GSDMC: variants seen among roughly 807,000 people sequenced by gnomAD.
GSDMC encodes the protein gasdermin-C.
GSDMC carries 59 observed loss-of-function variants against 58.0 expected under a neutral mutation model. The ratio of observed to expected loss-of-function variants is 1.02; its 90% CI spans 0.82 to 1.26. The LOEUF (loss-of-function observed/expected upper bound fraction) is 1.26. Among genes scored for constraint, GSDMC ranks in the 50% most tolerant of loss-of-function variants. GSDMC has a pLI of 0.00. For missense variants in GSDMC, 659 were observed against 598.5 expected (o/e 1.10, Z -1.06); for synonymous variants, 241 against 220.2 (o/e 1.09, Z -0.83).
In GSDMC at chr8:129,748,489, A is replaced by G; in HGVS notation, c.*12T>C. 2 of 1,592,736 alleles carry G rather than the reference A, an allele frequency of 1.3e-6. No individual in the cohort carries two copies. The highest frequency in any genetic ancestry group is 1.7e-6 in the Non-Finnish European group (2 of 1,170,314). On this transcript the variant is annotated 3_prime_UTR_variant, in exon 14 of 14. Transcript: ENST00000276708. ...GCCAGCATCTCTGGACTGACTGCCCATCAGGGAGGGCTTAGGCCTCAGCCA... is the reference window on the plus strand; with the variant it reads ...GCCAGCATCTCTGGACTGACTGCCCGTCAGGGAGGGCTTAGGCCTCAGCCA...
the GSDMC span, among the ~76,000 whole-genome samples, chr8:129,714,985 C>A: frequency 6.6e-6 from 1 of 151,984 alleles, no homozygotes; most frequent in Non-Finnish European, 1.5e-5. Flanking sequence ...AATTATAATA[C>A]CAAGGGTAAG....
At chr8:129,747,732 G>A (rs2032999177), downstream of GSDMC, among the ~76,000 whole-genome samples, 1 of 152,112 alleles carries the variant, frequency 6.6e-6, no homozygotes, top group African/African-American at 2.4e-5. Flanking sequence ...AACCAGCTGG[G>A]AGCACGAGAC....
the GSDMC span, among the ~76,000 whole-genome samples, chr8:129,712,422 T>G: frequency 6.6e-6 from 1 of 152,302 alleles, no homozygotes; most frequent in African/African-American, 2.4e-5. Flanking sequence ...CCAGTTCTGG[T>G]GCTAGGCCTA....
At chr8:129,709,736 G>T in the GSDMC span, among the ~76,000 whole-genome samples, 1 of 152,138 alleles carries the variant, frequency 6.6e-6, no homozygotes, top group East Asian at 1.9e-4. Flanking sequence ...CTCATCTCTT[G>T]TCATCCTTCC....
At chr8:129,743,521 G>A (rs117192165), downstream of GSDMC, among the ~76,000 whole-genome samples, 2,605 of 152,124 alleles carry the variant, frequency 0.017, 25 homozygotes, top group Middle Eastern at 0.068. Context: ...GTCCTTATCA[G>A]CTAACCCACC....
chr8:129,753,099 A>G (rs1338314643), intron 6 of GSDMC, among the ~76,000 whole-genome samples: 1 of 152,210 alleles, frequency 6.6e-6, no homozygotes, highest in Admixed American at 6.5e-5. Flanking sequence ...GCAATTTCTA[A>G]TGCTGAGCTA....
At chr8:129,783,366 A>G (rs1227212685) in intron 1 of GSDMC, among the ~76,000 whole-genome samples, 8 of 152,178 alleles carry the variant, frequency 5.3e-5, no homozygotes, top group Non-Finnish European at 1.2e-4. Context: ...ACAACAAAAA[A>G]CTATTAGAAG....
the GSDMC span, among the ~76,000 whole-genome samples, chr8:129,732,526 AGT>A: frequency 6.6e-6 from 1 of 152,232 alleles, no homozygotes; most frequent in African/African-American, 2.4e-5. Flanking sequence ...ATCTGAATGT[AGT>A]GACACCACCA....
the GSDMC span, among the ~76,000 whole-genome samples, chr8:129,734,814 AT>A: frequency 6.6e-6 from 1 of 152,216 alleles, no homozygotes; most frequent in Admixed American, 6.5e-5. Flanking sequence ...ACATAAAAAT[AT>A]TAACCTTAAA....
chr8:129,746,391 C>T (rs913377316), downstream of GSDMC, among the ~76,000 whole-genome samples: 5 of 151,670 alleles, frequency 3.3e-5, no homozygotes, highest in African/African-American at 1.2e-4. Context: ...AAAGAGCTGC[C>T]GTGATCTCAG....
chr8:129,740,770 A>G, the GSDMC span, among the ~76,000 whole-genome samples: 3 of 152,202 alleles, frequency 2.0e-5, no homozygotes, highest in East Asian at 5.8e-4. Flanking sequence ...ATGGATTGCA[A>G]ATATTTTCTC....
the GSDMC span, chr8:129,728,717 A>G: frequency 9.5e-6 from 4 of 422,832 alleles, no homozygotes; most frequent in Non-Finnish European, 1.8e-5. Flanking sequence ...TATAAGCACC[A>G]TCTACTGGCT....
chr8:129,732,429 T>G, the GSDMC span, among the ~76,000 whole-genome samples: 1 of 151,042 alleles, frequency 6.6e-6, no homozygotes, highest in East Asian at 1.9e-4. Context: ...TATAGGGAAA[T>G]AAAAAGAAAA....
intron 1 of GSDMC, among the ~76,000 whole-genome samples, chr8:129,779,767 C>G (rs759036822): frequency 1.7e-4 from 26 of 151,946 alleles, no homozygotes; most frequent in African/African-American, 6.3e-4. Flanking sequence ...CATCACCTTA[C>G]CAAATGGACT....
chr8:129,746,791 G>T (rs1280701201), downstream of GSDMC, among the ~76,000 whole-genome samples: 3 of 152,168 alleles, frequency 2.0e-5, no homozygotes, highest in African/African-American at 7.2e-5. Flanking sequence ...GGTGTTACCT[G>T]CTACCTAAAA....
At chr8:129,713,604 A>C in the GSDMC span, among the ~76,000 whole-genome samples, 2 of 152,310 alleles carry the variant, frequency 1.3e-5, no homozygotes, top group Admixed American at 1.3e-4. Flanking sequence ...CCGGACAGAG[A>C]CAAGAACAAG....
chr8:129,779,566 G>C (rs775865802), intron 1 of GSDMC, among the ~76,000 whole-genome samples: 4 of 151,542 alleles, frequency 2.6e-5, no homozygotes, highest in Non-Finnish European at 4.4e-5. Context: ...CATGGCACAA[G>C]TTTACCTACA....
At chr8:129,743,315 T>C (rs1002898431), downstream of GSDMC, among the ~76,000 whole-genome samples, 1 of 152,220 alleles carries the variant, frequency 6.6e-6, no homozygotes, top group Non-Finnish European at 1.5e-5. Flanking sequence ...TATTACTATA[T>C]CTTAAATTTC....
At chr8:129,743,378 T>C (rs1235168509), downstream of GSDMC, among the ~76,000 whole-genome samples, 1 of 152,174 alleles carries the variant, frequency 6.6e-6, no homozygotes, top group Non-Finnish European at 1.5e-5. Context: ...GTACAGTGTA[T>C]TTTTATTTCA....
Sources: gnomAD v4.1 joint callset for allele counts (sites outside exome capture counted in the v4.1 genomes callset) on GRCh38, gnomAD v4.1.1 for gene constraint, MANE v1.5 for transcripts, NCBI Gene and HGNC (gene_info 2026-07-23, HGNC 2026-07-21) for gene names.